SEZ6L: variants seen among roughly 807,000 people sequenced by gnomAD.
The protein encoded by SEZ6L is seizure 6-like protein.
In SEZ6L, 37 loss-of-function variants were observed where a neutral mutation model predicts 106.2. The observed-to-expected ratio is 0.35, with a 90% CI of 0.27 to 0.46. The LOEUF is 0.46. Ranked by LOEUF, SEZ6L falls within the 20% of genes least tolerant of loss-of-function variation. The pLI is 1.00. For missense variants in SEZ6L, 1,172 were observed against 1,332.8 expected, an observed-to-expected ratio of 0.88 and a Z score of 1.88; for synonymous variants, 541 against 570.4, an observed-to-expected ratio of 0.95 and a Z score of 0.73.
chr22:26,331,999 T>A (rs2145969850), intron 9 of SEZ6L, among the ~76,000 whole-genome samples: 1 of 152,050 alleles, frequency 6.6e-6, no homozygotes, highest in Non-Finnish European at 1.5e-5. Context: ...AAGAATTTAA[T>A]TTAATTTTTA....
At chr22:26,290,269 C>T (rs1320681022) in intron 1 of SEZ6L, among the ~76,000 whole-genome samples, 1 of 152,138 alleles carries the variant, frequency 6.6e-6, no homozygotes, top group Admixed American at 6.5e-5. Flanking sequence ...CGGTGGCTCA[C>T]GCCTGTAATC....
At position 26,292,846 on chromosome 22, in the gene SEZ6L, G is replaced by T; in HGVS notation, c.535G>T (p.Ala179Ser). Residue 179 changes from alanine to serine, a missense_variant, in exon 2 of 17, where the codon GCA (alanine) becomes TCA (serine). Physicochemically the swap from Ala to Ser is moderately conservative, Grantham distance 99. Transcript: ENST00000248933. ...GGACCCCATCGTGGCCTCCGAGGAG[G>T]CATCAGAAGTGCCCCTTTGGCTGGA... ...DPDPIVASEEASEVPLWLDRK... is the reference protein window; with the variant it reads ...DPDPIVASEESSEVPLWLDRK... 6.2e-7 allele frequency: 1 copy of T among 1,614,150 alleles called. No individual in the cohort carries two copies. Among genetic ancestry groups the T allele is most frequent in the South Asian group, 1.1e-5 (1 of 91,076 alleles).
intron 3 of SEZ6L, among the ~76,000 whole-genome samples, chr22:26,294,921 T>TTCTTTC (rs1178068437): frequency 1.4e-5 from 2 of 142,704 alleles, no homozygotes; most frequent in African/African-American, 2.7e-5. Flanking sequence ...GCTTTCTTGC[T>TTCTTTC]TCTTTCTCTT....
chr22:26,252,950 G>C (rs1286738123), intron 1 of SEZ6L, among the ~76,000 whole-genome samples: 2 of 152,200 alleles, frequency 1.3e-5, no homozygotes, highest in Non-Finnish European at 2.9e-5. Flanking sequence ...TAAGAGGATT[G>C]CTAGGTCGAA....
At chr22:26,340,106 T>C (rs1031850035) in intron 9 of SEZ6L, among the ~76,000 whole-genome samples, 6 of 152,024 alleles carry the variant, frequency 3.9e-5, no homozygotes, top group Non-Finnish European at 7.4e-5. Flanking sequence ...CATAGCAGCA[T>C]GCACCTGTAG....
rs748111038 is a variant in SEZ6L at position 26,311,732 on chromosome 22, A to G, written c.1682-36A>G. ...TATAGCACCGTGGGGTAGTCCCTGCATCATCTGAACTGCTGCCTCTCTTTC... is the reference window on the plus strand; with the variant it reads ...TATAGCACCGTGGGGTAGTCCCTGCGTCATCTGAACTGCTGCCTCTCTTTC... On this transcript the variant is annotated intron_variant, in intron 7 of 16. Coordinates refer to ENST00000248933, the MANE Select transcript of SEZ6L (RefSeq NM_021115.5). The G allele has an allele frequency of 2.5e-6, 4 of 1,581,742 alleles. No individual in the cohort carries two copies. In the Admixed American group the frequency reaches 5.0e-5, roughly 20 times the overall value.
chr22:26,269,557 C>A (rs1391530518), intron 1 of SEZ6L, among the ~76,000 whole-genome samples: 6 of 152,224 alleles, frequency 3.9e-5, no homozygotes, highest in Non-Finnish European at 8.8e-5. Context: ...TAATCCCAAT[C>A]TTCGACGCAC....
intron 11 of SEZ6L, among the ~76,000 whole-genome samples, chr22:26,350,554 A>G (rs1278527782): frequency 1.3e-5 from 2 of 152,030 alleles, no homozygotes; most frequent in Non-Finnish European, 2.9e-5. Flanking sequence ...TTCTTAAAAG[A>G]GGAATTAAAT....
intron 12 of SEZ6L, among the ~76,000 whole-genome samples, chr22:26,354,618 T>G (rs2083381006): frequency 6.6e-6 from 1 of 152,120 alleles, no homozygotes; most frequent in Non-Finnish European, 1.5e-5. Flanking sequence ...GACCCAGAGA[T>G]GAAAAGCTTA....
At chr22:26,257,175 A>G (rs2079850347) in intron 1 of SEZ6L, among the ~76,000 whole-genome samples, 1 of 152,236 alleles carries the variant, frequency 6.6e-6, no homozygotes. Context: ...GTCTCCTATC[A>G]TAAAGAATTA....
chr22:26,316,905 G>GAAAGAA (rs2082017535), intron 9 of SEZ6L, among the ~76,000 whole-genome samples: 9 of 60,990 alleles, frequency 1.5e-4, no homozygotes, highest in Non-Finnish European at 2.3e-4. Flanking sequence ...AAAGAAAGAA[G>GAAAGAA]AAAGAAAGAA....
intron 11 of SEZ6L, among the ~76,000 whole-genome samples, chr22:26,348,479 C>CAAA (rs1303629754): frequency 2.5e-5 from 3 of 121,350 alleles, no homozygotes; most frequent in Non-Finnish European, 4.8e-5. Flanking sequence ...GGTGACAGAG[C>CAAA]AAAACCCTGT....
intron 5 of SEZ6L, among the ~76,000 whole-genome samples, chr22:26,300,046 G>A (rs2081405576): frequency 6.6e-6 from 1 of 152,126 alleles, no homozygotes; most frequent in African/African-American, 2.4e-5. Flanking sequence ...GGTATCTCAT[G>A]GTTTTAGTTT....
intron 1 of SEZ6L, among the ~76,000 whole-genome samples, chr22:26,221,218 C>T (rs954148120): frequency 1.3e-5 from 2 of 151,984 alleles, no homozygotes; most frequent in African/African-American, 4.8e-5. Context: ...CTTCAAACTG[C>T]AGTTAAATCT....
chr22:26,284,569 C>T (rs566260612), intron 1 of SEZ6L, among the ~76,000 whole-genome samples: 2 of 137,272 alleles, frequency 1.5e-5, no homozygotes, highest in South Asian at 2.4e-4. Context: ...GAGATTGCAC[C>T]GCTGCACTCC....
intron 1 of SEZ6L, among the ~76,000 whole-genome samples, chr22:26,188,901 G>A (rs1939988787): frequency 6.6e-6 from 1 of 152,176 alleles, no homozygotes; most frequent in South Asian, 2.1e-4. Flanking sequence ...ATGATTAATA[G>A]TAGTAGGAAG....
intron 1 of SEZ6L, among the ~76,000 whole-genome samples, chr22:26,214,430 T>C (rs2078243524): frequency 6.6e-6 from 1 of 152,232 alleles, no homozygotes; most frequent in East Asian, 1.9e-4. Flanking sequence ...TAGACCCGTT[T>C]TCTCAGATAG....
At chr22:26,305,953 T>G (rs1203974210) in intron 5 of SEZ6L, 26 bp from the exon 6 acceptor site, 5 of 1,569,430 alleles carry the variant, frequency 3.2e-6, no homozygotes, top group East Asian at 2.3e-5. Context: ...TCTCTCCCAT[T>G]GCCCACCCAC....
intron 1 of SEZ6L, among the ~76,000 whole-genome samples, chr22:26,288,920 A>G (rs189444113): frequency 2.2e-3 from 338 of 152,306 alleles, no homozygotes; most frequent in Non-Finnish European, 4.0e-3. Context: ...TAACCCAAAA[A>G]AAAACCCCCA....
Sources: gnomAD v4.1 joint callset for allele counts (sites outside exome capture counted in the v4.1 genomes callset) on GRCh38, gnomAD v4.1.1 for gene constraint, MANE v1.5 for transcripts, NCBI Gene and HGNC (gene_info 2026-07-23, HGNC 2026-07-21) for gene names.